BRD10: variants seen among roughly 807,000 people sequenced by gnomAD.
The protein encoded by BRD10 is bromodomain containing 10.
At chr9:5,914,669 C>A in the BRD10 span, among the ~76,000 whole-genome samples, 1 of 151,866 alleles carries the variant, frequency 6.6e-6, no homozygotes, top group Non-Finnish European at 1.5e-5. Context: ...GTGATCTGCC[C>A]GCCTCGGCCT....
At chr9:5,968,398 C>T in the BRD10 span, 11 of 1,612,238 alleles carry the variant, frequency 6.8e-6, no homozygotes, top group East Asian at 2.2e-5. Context: ...TTTCTATAAA[C>T]CTTATTTCAC....
the BRD10 span, among the ~76,000 whole-genome samples, chr9:5,949,821 A>C: frequency 6.6e-6 from 1 of 152,328 alleles, no homozygotes; most frequent in East Asian, 1.9e-4. Context: ...TTCTCTCTTA[A>C]ATGTTAAATG....
chr9:5,912,708 C>T, the BRD10 span, among the ~76,000 whole-genome samples: 1 of 152,158 alleles, frequency 6.6e-6, no homozygotes, highest in Non-Finnish European at 1.5e-5. Context: ...GAGCCTCACC[C>T]ATAAGCATGG....
At chr9:5,925,207 A>G in the BRD10 span, among the ~76,000 whole-genome samples, 5 of 151,946 alleles carry the variant, frequency 3.3e-5, no homozygotes, top group Non-Finnish European at 7.4e-5. Flanking sequence ...AAAAATACAA[A>G]AATTAGCCAG....
the BRD10 span, among the ~76,000 whole-genome samples, chr9:5,945,613 AAAT>A: frequency 6.6e-6 from 1 of 152,078 alleles, no homozygotes; most frequent in Non-Finnish European, 1.5e-5. Flanking sequence ...CAAATGGCCA[AAAT>A]AATTATTAAT....
At chr9:5,921,243 T>C in the BRD10 span, 53 of 1,613,870 alleles carry the variant, frequency 3.3e-5, no homozygotes, top group South Asian at 5.3e-4. Context: ...CCTGAAGTAT[T>C]TACAATTGCT....
At chr9:5,945,102 T>G in the BRD10 span, 20 of 443,916 alleles carry the variant, frequency 4.5e-5, no homozygotes, top group Non-Finnish European at 6.8e-5. Flanking sequence ...CTCTGCAGTT[T>G]ATATTTTAAA....
the BRD10 span, among the ~76,000 whole-genome samples, chr9:6,005,328 T>A: frequency 6.6e-6 from 1 of 151,976 alleles, no homozygotes; most frequent in African/African-American, 2.4e-5. Context: ...CTGGCCAACA[T>A]GGCGAAACCC....
chr9:5,981,493 T>A, the BRD10 span, among the ~76,000 whole-genome samples: 1 of 152,154 alleles, frequency 6.6e-6, no homozygotes, highest in African/African-American at 2.4e-5. Flanking sequence ...AGATACGACA[T>A]CCAGAGAAGA....
the BRD10 span, among the ~76,000 whole-genome samples, chr9:5,879,883 G>A: frequency 1.3e-5 from 2 of 152,098 alleles, no homozygotes; most frequent in South Asian, 4.2e-4. Flanking sequence ...CAGTTCTACT[G>A]AATTATTTTT....
the BRD10 span, among the ~76,000 whole-genome samples, chr9:5,883,462 CTTTTT>C: frequency 5.3e-4 from 54 of 102,376 alleles, no homozygotes; most frequent in African/African-American, 1.6e-3. Context: ...CCTTCTTCTT[CTTTTT>C]TTTTTTTTTT....
At chr9:6,008,161 C>G in the BRD10 span, 16 of 978,324 alleles carry the variant, frequency 1.6e-5, no homozygotes, top group Non-Finnish European at 1.7e-5. Context: ...CCCTCCCGGG[C>G]CAGCGGGGGG....
the BRD10 span, among the ~76,000 whole-genome samples, chr9:5,980,641 T>TA: frequency 6.6e-6 from 1 of 151,716 alleles, no homozygotes; most frequent in African/African-American, 2.4e-5. Context: ...AGGGTTGGTT[T>TA]AAAAAAAACT....
the BRD10 span, among the ~76,000 whole-genome samples, chr9:5,926,859 C>G: frequency 6.6e-6 from 1 of 152,108 alleles, no homozygotes; most frequent in East Asian, 1.9e-4. Flanking sequence ...CCTTAATTTT[C>G]TAAGCATCAG....
At chr9:5,948,390 G>T in the BRD10 span, among the ~76,000 whole-genome samples, 1 of 151,864 alleles carries the variant, frequency 6.6e-6, no homozygotes, top group Non-Finnish European at 1.5e-5. Context: ...TTAGGATTCA[G>T]TTTATATCTA....
chr9:5,893,419 T>TAAC, the BRD10 span, among the ~76,000 whole-genome samples: 1 of 152,158 alleles, frequency 6.6e-6, no homozygotes, highest in African/African-American at 2.4e-5. Context: ...TGAACAATCT[T>TAAC]TGTTAACAGT....
the BRD10 span, among the ~76,000 whole-genome samples, chr9:5,902,368 T>C: frequency 4.6e-5 from 7 of 152,224 alleles, no homozygotes; most frequent in African/African-American, 1.7e-4. Flanking sequence ...TTTTTATTTC[T>C]TAGCCTAGCT....
chr9:5,995,582 G>A, the BRD10 span, among the ~76,000 whole-genome samples: 1 of 152,212 alleles, frequency 6.6e-6, no homozygotes, highest in Admixed American at 6.5e-5. Context: ...TGTGGCATCT[G>A]CTTGGAGCTA....
chr9:5,897,730 G>C, the BRD10 span: 2 of 1,248,710 alleles, frequency 1.6e-6, no homozygotes, highest in South Asian at 2.4e-5. Context: ...AATCTCTGGA[G>C]AGTCAGATAA....
Sources: allele counts gnomAD v4.1 joint callset (sites outside exome capture counted in the v4.1 genomes callset), GRCh38; gene constraint gnomAD v4.1.1; transcripts MANE v1.5; gene names NCBI Gene and HGNC (gene_info 2026-07-23, HGNC 2026-07-21).